GRM8: variants seen among roughly 807,000 people sequenced by gnomAD.
GRM8 encodes metabotropic glutamate receptor 8.
In GRM8, 47 loss-of-function variants were observed where a neutral mutation model predicts 87.2. That is an observed-to-expected ratio of 0.54 (90% CI 0.43 to 0.69). The LOEUF (loss-of-function observed/expected upper bound fraction) is 0.69, where lower values mean the gene tolerates loss of function less well. Among genes scored for constraint, GRM8 ranks in the 30% least tolerant of loss-of-function variants. GRM8 has a pLI of 0.00. For missense variants in GRM8, 1,019 were observed against 1,139.2 expected, an observed-to-expected ratio of 0.89 and a Z score of 1.52; for synonymous variants, 396 against 404.5, an observed-to-expected ratio of 0.98 and a Z score of 0.25.
intron 6 of GRM8, among the ~76,000 whole-genome samples, chr7:126,792,935 T>A (rs1821523975): frequency 6.6e-6 from 1 of 152,188 alleles, no homozygotes; most frequent in Non-Finnish European, 1.5e-5. Flanking sequence ...TTTCATTTTC[T>A]CCTTCTCTAC....
At chr7:126,587,150 A>C (rs954201684) in intron 8 of GRM8, among the ~76,000 whole-genome samples, 4 of 152,146 alleles carry the variant, frequency 2.6e-5, no homozygotes, top group Non-Finnish European at 5.9e-5. Context: ...CCAGTTAGAA[A>C]GGCAATCATT....
chr7:126,895,233 G>T (rs548034787), intron 6 of GRM8, among the ~76,000 whole-genome samples: 5 of 152,054 alleles, frequency 3.3e-5, no homozygotes, highest in Non-Finnish European at 7.4e-5. Context: ...CATTGACAAT[G>T]TATAGGTCAA....
chr7:126,712,017 T>C (rs1811159557), intron 7 of GRM8, among the ~76,000 whole-genome samples: 1 of 152,344 alleles, frequency 6.6e-6, no homozygotes, highest in African/African-American at 2.4e-5. Flanking sequence ...GCACTTTTAA[T>C]TTTCTTTAAG....
intron 7 of GRM8, among the ~76,000 whole-genome samples, chr7:126,650,040 G>A (rs2078810): frequency 8.3e-4 from 127 of 152,256 alleles, no homozygotes; most frequent in Non-Finnish European, 1.5e-3. Flanking sequence ...CTCTTGTCCC[G>A]TTACTGGGCT....
chr7:126,457,185 T>C (rs1803355781), intron 9 of GRM8, among the ~76,000 whole-genome samples: 1 of 151,408 alleles, frequency 6.6e-6, no homozygotes, highest in Admixed American at 6.6e-5. Context: ...AAATGACTGA[T>C]GCATTAAAGA....
intron 7 of GRM8, among the ~76,000 whole-genome samples, chr7:126,677,838 G>T (rs1018240600): frequency 6.6e-6 from 1 of 152,156 alleles, no homozygotes; most frequent in African/African-American, 2.4e-5. Flanking sequence ...TATTCGTAAA[G>T]GTATTGAAAT....
chr7:126,747,808 T>C (rs573730699), intron 7 of GRM8, among the ~76,000 whole-genome samples: 24 of 152,074 alleles, frequency 1.6e-4, no homozygotes, highest in South Asian at 1.2e-3. Flanking sequence ...ATTATAAATT[T>C]TCCTTCAGTC....
chr7:127,132,715 A>T (rs1827753339), intron 2 of GRM8, among the ~76,000 whole-genome samples: 1 of 152,050 alleles, frequency 6.6e-6, no homozygotes, highest in South Asian at 2.1e-4. Flanking sequence ...CAAGTACCTG[A>T]GGAAGAGGTT....
At chr7:127,017,867 AAC>A (rs1563417370) in intron 3 of GRM8, among the ~76,000 whole-genome samples, 1 of 152,136 alleles carries the variant, frequency 6.6e-6, no homozygotes, top group Non-Finnish European at 1.5e-5. Flanking sequence ...TTAAAGTGAG[AAC>A]AGAGTAAGAG....
intron 6 of GRM8, among the ~76,000 whole-genome samples, chr7:126,884,389 GCAAA>G (rs1415792827): frequency 2.0e-5 from 3 of 152,062 alleles, no homozygotes; most frequent in Non-Finnish European, 4.4e-5. Flanking sequence ...TAAACAAAAT[GCAAA>G]CAGCCACATA....
chr7:126,837,836 T>C (rs1187511277), intron 6 of GRM8, among the ~76,000 whole-genome samples: 1 of 152,174 alleles, frequency 6.6e-6, no homozygotes, highest in Non-Finnish European at 1.5e-5. Flanking sequence ...CAAGAAATGG[T>C]TTCAGGAAAA....
intron 9 of GRM8, among the ~76,000 whole-genome samples, chr7:126,448,335 A>C (rs1247942755): frequency 6.6e-6 from 1 of 151,966 alleles, no homozygotes; most frequent in Non-Finnish European, 1.5e-5. Context: ...AATGTGCCTT[A>C]ATCTGTTAGT....
At chr7:126,545,086 T>C (rs1470231757) in intron 8 of GRM8, among the ~76,000 whole-genome samples, 1 of 152,204 alleles carries the variant, frequency 6.6e-6, no homozygotes, top group African/African-American at 2.4e-5. Flanking sequence ...TCACTCAAGT[T>C]CTATGCAGAA....
intron 9 of GRM8, among the ~76,000 whole-genome samples, chr7:126,469,142 C>T (rs544581329): frequency 3.0e-4 from 46 of 152,222 alleles, no homozygotes; most frequent in African/African-American, 1.1e-3. Context: ...GTTTTCCTCA[C>T]ATACCTACAT....
intron 9 of GRM8, among the ~76,000 whole-genome samples, chr7:126,462,329 T>C (rs183928035): frequency 4.7e-4 from 71 of 151,770 alleles, no homozygotes; most frequent in Non-Finnish European, 6.5e-4. Flanking sequence ...AAATTTTAAT[T>C]AAATATTTTA....
intron 3 of GRM8, among the ~76,000 whole-genome samples, chr7:127,071,543 C>T (rs989013282): frequency 3.9e-5 from 6 of 152,172 alleles, no homozygotes; most frequent in Admixed American, 1.3e-4. Context: ...AACAAGCCTC[C>T]TTTATTAGCC....
intron 6 of GRM8, among the ~76,000 whole-genome samples, chr7:126,789,292 C>A (rs1400209862): frequency 6.7e-6 from 1 of 148,648 alleles, no homozygotes; most frequent in Non-Finnish European, 1.5e-5. Context: ...GTGGAAAGAA[C>A]AACAAAGGCA....
intron 8 of GRM8, among the ~76,000 whole-genome samples, chr7:126,542,501 A>C (rs1048291417): frequency 4.6e-5 from 7 of 152,234 alleles, no homozygotes; most frequent in Non-Finnish European, 7.3e-5. Flanking sequence ...AAAGTTTCTC[A>C]GGGGAGGTGA....
chr7:126,613,038 C>A (rs904045132), intron 7 of GRM8, among the ~76,000 whole-genome samples: 1 of 152,120 alleles, frequency 6.6e-6, no homozygotes, highest in Admixed American at 6.5e-5. Flanking sequence ...AATGCGATTT[C>A]TAGTCTTAAA....
Sources: gnomAD v4.1 joint callset for allele counts (sites outside exome capture counted in the v4.1 genomes callset) on GRCh38, gnomAD v4.1.1 for gene constraint, MANE v1.5 for transcripts, NCBI Gene and HGNC (gene_info 2026-07-23, HGNC 2026-07-21) for gene names.